Variants in WDFY1 observed in about 807,000 individuals in gnomAD.
WDFY1 encodes WD repeat and FYVE domain containing 1, also known as WD repeat and FYVE domain-containing protein 1.
WDFY1 carries 32 observed loss-of-function variants against 56.4 expected under a neutral mutation model. The ratio of observed to expected loss-of-function variants is 0.57; its 90% confidence interval spans 0.43 to 0.76. The LOEUF is 0.76. Ranked by LOEUF, WDFY1 falls within the 30% of genes least tolerant of loss-of-function variation. WDFY1 has a pLI of 0.00. For missense variants in WDFY1, 480 were observed against 545.7 expected (o/e 0.88, Z 1.20); for synonymous variants, 192 against 197.3 (o/e 0.97, Z 0.23).
At chr2:223,899,586 AAC>A (rs1314346715) in intron 5 of WDFY1, among the ~76,000 whole-genome samples, 1 of 152,140 alleles carries the variant, frequency 6.6e-6, no homozygotes, top group Non-Finnish European at 1.5e-5. Flanking sequence ...CTCTACTAAA[AAC>A]ACAAAAAATT....
intron 1 of WDFY1, among the ~76,000 whole-genome samples, chr2:223,927,776 C>T (rs1334686687): frequency 6.6e-6 from 1 of 152,230 alleles, no homozygotes; most frequent in Non-Finnish European, 1.5e-5. Flanking sequence ...GTGCCTTCCT[C>T]ACTAAGCTTA....
intron 7 of WDFY1, 124 bp downstream of exon 7, chr2:223,895,380 C>G: frequency 1.4e-6 from 2 of 1,422,794 alleles, no homozygotes; most frequent in South Asian, 1.2e-5. Context: ...GAACTGAGCC[C>G]TATCAATGAT....
chr2:223,920,761 T>G (rs1693873604), intron 1 of WDFY1, among the ~76,000 whole-genome samples: 1 of 152,194 alleles, frequency 6.6e-6, no homozygotes, highest in Non-Finnish European at 1.5e-5. Context: ...CTTGCCTCAG[T>G]GGATGCATCC....
rs1559165599 is a variant in WDFY1 at position 223,896,176 on chromosome 2, A to AAAAAAAAAC, written c.599-547_599-546insGTTTTTTTT. ...GTCTCAAAAAAAAAAAAAAAAAAAA[A>AAAAAAAAAC]AAAAAAACTGCTTGTAATACAAAGA... On this transcript the variant is annotated intron_variant, in intron 6 of 11. Coordinates refer to ENST00000233055, the MANE Select transcript of WDFY1 (RefSeq NM_020830.5). Among the ~76,000 whole-genome samples the AAAAAAAAAC allele has an allele frequency of 3.4e-5, 5 of 146,678 alleles. No homozygotes were observed. In the East Asian group the frequency reaches 9.8e-4, roughly 29 times the overall value.
chr2:223,886,470 A>G (rs1449281820), intron 8 of WDFY1, among the ~76,000 whole-genome samples: 1 of 152,182 alleles, frequency 6.6e-6, no homozygotes, highest in African/African-American at 2.4e-5. Context: ...CACACCTGTA[A>G]TCCCAGCACT....
In WDFY1 at chr2:223,901,257, A is replaced by G. The variant is rs1559167095; in HGVS notation, c.411T>C (p.Cys137=). The part of the protein sequence containing the change: ...EWVISTGHDK[C]VSWMCTRSGN... ...CGCTCCGCGTGCACATCCAGCTCAC[A>G]CACTTGTCGTGGCCGGTACTGATCA... Residue 137 remains cysteine (C), a synonymous_variant, in exon 5 of 12, where the codon TGT becomes TGC. Coordinates refer to ENST00000233055, the MANE Select transcript of WDFY1 (RefSeq NM_020830.5). The G allele has an allele frequency of 6.2e-7, 1 of 1,614,026 alleles. No homozygotes were observed. The highest frequency in any genetic ancestry group is 8.5e-7 in the Non-Finnish European group (1 of 1,180,028).
intron 2 of WDFY1, among the ~76,000 whole-genome samples, chr2:223,914,633 G>A (rs371314212): frequency 8.5e-5 from 13 of 152,258 alleles, no homozygotes; most frequent in Non-Finnish European, 1.6e-4. Flanking sequence ...CCATCACTGT[G>A]GTGAGAAGCA....
rs1693450501 is a variant in WDFY1 at position 223,898,961 on chromosome 2, C to T, written c.595G>A (p.Glu199Lys). Residue 199 changes from glutamate (E) to lysine (K), a missense_variant, in exon 6 of 12, where the codon GAA becomes AAA. Glu to Lys is a moderately conservative substitution (Grantham distance 56, BLOSUM62 1). Coordinates refer to ENST00000233055, the MANE Select transcript of WDFY1 (RefSeq NM_020830.5). ...CSVITTLKGHEGSVACLWWDP... is the reference protein window; with the variant it reads ...CSVITTLKGHKGSVACLWWDP... Reference sequence around the variant, plus strand: ...CTTGGGTGATAATATAGCCTACCTTCATGTCCTTTGAGGGTTGTGATGACT... The same window carrying T: ...CTTGGGTGATAATATAGCCTACCTTTATGTCCTTTGAGGGTTGTGATGACT... 6.2e-7 allele frequency: 1 copy of T among 1,613,734 alleles called. No individual in the cohort carries two copies. Among genetic ancestry groups the T allele is most frequent in the African/African-American group, 1.3e-5 (1 of 74,902 alleles).
intron 1 of WDFY1, among the ~76,000 whole-genome samples, chr2:223,933,695 G>A (rs1037629745): frequency 7.9e-5 from 12 of 151,740 alleles, no homozygotes; most frequent in African/African-American, 2.4e-4. Flanking sequence ...GGTGGCACAC[G>A]TCTGTTATCC....
At chr2:223,913,993 C>CT (rs386392770) in intron 2 of WDFY1, among the ~76,000 whole-genome samples, 1,930 of 88,114 alleles carry the variant, frequency 0.022, 277 homozygotes, top group Middle Eastern at 0.061. Flanking sequence ...AATCAGTTAG[C>CT]TTTTTTTTTT....
Position 223,895,594 on chromosome 2 carries a change from C to A in WDFY1, c.635G>T (p.Arg212Leu). The stretch of plus-strand genomic sequence containing the variant: ...GTCAGATGCTCCTGAGAAGAGTAAC[C>A]GCTGAATAGGGTCCCACCAGAGGCA... Reference protein sequence around the residue: ...VACLWWDPIQRLLFSGASDNS... With the variant: ...VACLWWDPIQLLLFSGASDNS... Residue 212 changes from arginine to leucine, a missense_variant, in exon 7 of 12, where the codon CGG (arginine) becomes CTG (leucine). Physicochemically the swap from Arg to Leu is moderately radical, Grantham distance 102. Transcript: ENST00000233055. 6.2e-7 allele frequency: 1 copy of A among 1,613,826 alleles called. No individual in the cohort carries two copies. The highest frequency in any genetic ancestry group is 1.1e-5 in the South Asian group (1 of 91,066).
chr2:223,901,280 T>C lies in WDFY1; in HGVS notation c.388A>G (p.Ile130Val), dbSNP rs1182735229. 1.2e-6 allele frequency: 2 copies of C among 1,613,988 alleles called. No homozygotes were observed. Among genetic ancestry groups the C allele is most frequent in the Admixed American group, 1.7e-5 (1 of 59,998 alleles). ...ACACACTTGTCGTGGCCGGTACTGATCACCCACTCTGTGGCCAAGCTGAAG... is the reference window on the plus strand; with the variant it reads ...ACACACTTGTCGTGGCCGGTACTGACCACCCACTCTGTGGCCAAGCTGAAG... ...IIFSLATEWV[I>V]STGHDKCVSW... is the part of the protein sequence containing the mutation. Residue 130 changes from isoleucine (I) to valine (V), a missense_variant, in exon 5 of 12, where the codon ATC becomes GTC. By Grantham distance (29) the Ile-to-Val change is conservative (BLOSUM62 3). Coordinates refer to ENST00000233055, the MANE Select transcript of WDFY1 (RefSeq NM_020830.5).
At chr2:223,940,372 A>C (rs1431826155) in intron 1 of WDFY1, among the ~76,000 whole-genome samples, 3 of 152,184 alleles carry the variant, frequency 2.0e-5, no homozygotes, top group Non-Finnish European at 4.4e-5. Context: ...CAATTTACAC[A>C]CACACATACA....
At chr2:223,895,730 G>A in intron 6 of WDFY1, 100 bp from the exon 7 acceptor site, 2 of 1,506,282 alleles carry the variant, frequency 1.3e-6, no homozygotes, top group Non-Finnish European at 1.8e-6. Flanking sequence ...GACCAAACTA[G>A]GAGCAGCTGA....
intron 1 of WDFY1, among the ~76,000 whole-genome samples, chr2:223,936,077 TTG>T (rs557214675): frequency 0.49 from 56,083 of 114,398 alleles, 12,393 homozygotes; most frequent in Middle Eastern, 0.56. Context: ...TTTTTTTTTT[TTG>T]GGGACAGAGT....
At chr2:223,940,188 G>A (rs1011953318) in intron 1 of WDFY1, among the ~76,000 whole-genome samples, 3 of 152,140 alleles carry the variant, frequency 2.0e-5, no homozygotes, top group Admixed American at 2.0e-4. Context: ...GTGTGGTGGC[G>A]GGTGCCTGTA....
chr2:223,911,532 C>T (rs770327508), intron 3 of WDFY1, among the ~76,000 whole-genome samples: 1 of 149,352 alleles, frequency 6.7e-6, no homozygotes, highest in Non-Finnish European at 1.5e-5. Context: ...AGAAGTATTG[C>T]CTTAAAGAGT....
intron 8 of WDFY1, 110 bp from the exon 9 acceptor site, chr2:223,884,859 C>CTTTTT (rs1553535378): frequency 4.4e-6 from 3 of 689,236 alleles, no homozygotes; most frequent in South Asian, 2.0e-5. Flanking sequence ...TTCTTTTCTT[C>CTTTTT]TTTTTTTTTT....
intron 4 of WDFY1, among the ~76,000 whole-genome samples, chr2:223,902,493 A>G (rs1251764908): frequency 6.6e-6 from 1 of 152,206 alleles, no homozygotes; most frequent in Admixed American, 6.5e-5. Flanking sequence ...TGAGCCCAGG[A>G]GTTGGAGGTT....
Sources: allele counts gnomAD v4.1 joint callset (sites outside exome capture counted in the v4.1 genomes callset), GRCh38; gene constraint gnomAD v4.1.1; transcripts MANE v1.5; gene names NCBI Gene and HGNC (gene_info 2026-07-23, HGNC 2026-07-21).